RYR2: variants seen among roughly 807,000 people sequenced by gnomAD.
RYR2 encodes the protein ryanodine receptor 2, also known as cardiac muscle ryanodine receptor-calcium release channel.
In RYR2, 227 loss-of-function variants were observed where a neutral mutation model predicts 601.1. The observed-to-expected ratio is 0.38, with a 90% confidence interval of 0.34 to 0.42. The LOEUF is 0.42. RYR2 is among the 10% of genes least tolerant of loss of function. The probability of loss-of-function intolerance (pLI) is 1.00; values close to 1 mark genes in which losing one functional copy is unlikely to be tolerated. For synonymous variants in RYR2, 2,223 were observed against 2,175.1 expected, an observed-to-expected ratio of 1.02 and a Z score of -0.61; for missense variants, 4,646 against 6,156.5, an observed-to-expected ratio of 0.75 and a Z score of 8.21.
intron 35 of RYR2, among the ~76,000 whole-genome samples, chr1:237,609,330 C>A (rs73095870): frequency 0.02 from 2,954 of 145,614 alleles, 82 homozygotes; most frequent in African/African-American, 0.072. Context: ...CTCCTTGCTT[C>A]CCTCCCTCCA....
intron 10 of RYR2, among the ~76,000 whole-genome samples, chr1:237,403,356 G>A (rs1397155834): frequency 6.6e-6 from 1 of 152,216 alleles, no homozygotes; most frequent in African/African-American, 2.4e-5. Flanking sequence ...GGAGACATGG[G>A]ATGTAAGCTT....
rs768284117 is a variant in RYR2, at chr1:237,787,999, G to C, written c.13340G>C (p.Gly4447Ala). ...SEPEKAEGED[G>A]EKEEKAKEDK... ...GTTTGTTTTCATAGGGGAGAAGATG[G>C]AGAAAAAGAAGAGAAAGCCAAGGAA... The change falls in exon 92 of 105, where the codon GGA (glycine) becomes GCA (alanine). Residue 4447 changes from glycine to alanine, a missense_variant. Gly to Ala is a moderately conservative substitution (Grantham distance 60). Transcript: ENST00000366574. The C allele has an allele frequency of 6.3e-7, 1 of 1,593,546 alleles. No individual in the cohort carries two copies. The highest frequency in any genetic ancestry group is 8.6e-7 in the Non-Finnish European group (1 of 1,169,104).
At chr1:237,749,045 A>C (rs1355558004) in intron 80 of RYR2, among the ~76,000 whole-genome samples, 4 of 152,244 alleles carry the variant, frequency 2.6e-5, no homozygotes, top group Non-Finnish European at 5.9e-5. Flanking sequence ...TAATATCTGT[A>C]GGATGTCCTG....
chr1:237,410,362 T>C (rs1419950088), intron 10 of RYR2, among the ~76,000 whole-genome samples: 1 of 152,196 alleles, frequency 6.6e-6, no homozygotes, highest in Non-Finnish European at 1.5e-5. Flanking sequence ...GAAATGTTAT[T>C]CAAGATAGAT....
At chr1:237,722,670 T>C (rs1400352259) in intron 73 of RYR2, among the ~76,000 whole-genome samples, 5 of 152,150 alleles carry the variant, frequency 3.3e-5, no homozygotes, top group Non-Finnish European at 5.9e-5. Flanking sequence ...GCTGACCTCA[T>C]GATCCGCCCA....
chr1:237,446,105 G>A (rs533427766), intron 14 of RYR2, among the ~76,000 whole-genome samples: 17 of 152,198 alleles, frequency 1.1e-4, no homozygotes, highest in African/African-American at 3.1e-4. Context: ...GTGAGCCACC[G>A]TGCCCAGCCT....
chr1:237,703,994 G>A (rs1688166967), intron 66 of RYR2, among the ~76,000 whole-genome samples: 1 of 152,094 alleles, frequency 6.6e-6, no homozygotes, highest in Admixed American at 6.6e-5. Flanking sequence ...AAATATTATA[G>A]TGGCAAGGTA....
At chr1:237,804,690 T>C (rs767563047) in intron 98 of RYR2, among the ~76,000 whole-genome samples, 1 of 152,192 alleles carries the variant, frequency 6.6e-6, no homozygotes, top group Non-Finnish European at 1.5e-5. Context: ...AGGTGTATTA[T>C]AGCTTTCAGT....
At chr1:237,731,618 G>C (rs565992640) in intron 77 of RYR2, among the ~76,000 whole-genome samples, 1 of 152,178 alleles carries the variant, frequency 6.6e-6, no homozygotes, top group African/African-American at 2.4e-5. Context: ...TTTGAGTTAT[G>C]AAAATGCTTA....
chr1:237,614,297 C>G lies in RYR2; in HGVS notation c.5169C>G (p.Asn1723Lys). ...SYATARLMMN[N>K]EYIVPMTEET... is the part of the protein sequence containing the mutation. ...CCACTGCCAGGCTCATGATGAACAA[C>G]GAGTACATTGTCCCCATGACGGAGG... Residue 1723 changes from asparagine (N) to lysine (K), a missense_variant, in exon 37 of 105, where the codon AAC (asparagine) becomes AAG (lysine). Coordinates refer to ENST00000366574, the MANE Select transcript of RYR2 (RefSeq NM_001035.3). This position sits in a 1 kb window ranked among gnomAD's most constrained non-coding sequence, Gnocchi z 4.3. The G allele has an allele frequency of 1.2e-6, 2 of 1,614,018 alleles. No homozygotes were observed. The highest frequency in any genetic ancestry group is 1.7e-6 in the Non-Finnish European group (2 of 1,179,894).
At chr1:237,261,046 T>C (rs1462793940) in intron 1 of RYR2, among the ~76,000 whole-genome samples, 1 of 152,242 alleles carries the variant, frequency 6.6e-6, no homozygotes. Context: ...AAAAATAGCA[T>C]AGATAACATT....
intron 2 of RYR2, among the ~76,000 whole-genome samples, chr1:237,318,548 C>T (rs191760283): frequency 1.2e-4 from 19 of 152,176 alleles, no homozygotes; most frequent in African/African-American, 3.9e-4. Flanking sequence ...CTGCAAATGT[C>T]TATTTTGCCT....
intron 2 of RYR2, among the ~76,000 whole-genome samples, chr1:237,290,080 G>C (rs1692040522): frequency 6.6e-6 from 1 of 152,096 alleles, no homozygotes. Context: ...CCAGAGTCTT[G>C]TACTCGTATG....
At chr1:237,304,159 C>G (rs571238611) in intron 2 of RYR2, among the ~76,000 whole-genome samples, 1 of 152,254 alleles carries the variant, frequency 6.6e-6, no homozygotes, top group African/African-American at 2.4e-5. Flanking sequence ...ATGGATGAGT[C>G]AGACTTTAAA....
chr1:237,431,414 T>G (rs1706794222), intron 12 of RYR2, among the ~76,000 whole-genome samples: 1 of 152,140 alleles, frequency 6.6e-6, no homozygotes, highest in Non-Finnish European at 1.5e-5. Context: ...GTATTTGAGT[T>G]GTAAGCAAAT....
At chr1:237,319,425 T>C (rs1195832727) in intron 2 of RYR2, among the ~76,000 whole-genome samples, 1 of 152,198 alleles carries the variant, frequency 6.6e-6, no homozygotes, top group African/African-American at 2.4e-5. Flanking sequence ...CAACCCTGAA[T>C]TCTTTTATGT....
chr1:237,476,785 G>T, intron 17 of RYR2, among the ~76,000 whole-genome samples: 1 of 152,124 alleles, frequency 6.6e-6, no homozygotes, highest in East Asian at 1.9e-4. Context: ...AATTGAATTA[G>T]AAAGAACAAG....
intron 1 of RYR2, among the ~76,000 whole-genome samples, chr1:237,248,224 A>T (rs977611667): frequency 7.2e-6 from 1 of 139,644 alleles, no homozygotes; most frequent in African/African-American, 2.7e-5. Flanking sequence ...GTGAGCCGAG[A>T]TCACACCACT....
intron 96 of RYR2, among the ~76,000 whole-genome samples, chr1:237,797,088 T>C (rs1370977442): frequency 1.3e-5 from 2 of 151,524 alleles, no homozygotes; most frequent in East Asian, 3.9e-4. Context: ...CTGGCCTCCA[T>C]TTTCATTACT....
Sources: gnomAD v4.1 joint callset for allele counts (sites outside exome capture counted in the v4.1 genomes callset) on GRCh38, gnomAD v4.1.1 for gene constraint, Gnocchi (gnomAD v3.1) non-coding constraint, MANE v1.5 for transcripts, NCBI Gene and HGNC (gene_info 2026-07-23, HGNC 2026-07-21) for gene names.